Variants in UNC5B observed in about 807,000 individuals in gnomAD.
The protein encoded by UNC5B is netrin receptor UNC5B.
A neutral mutation model predicts 103.7 loss-of-function variants in UNC5B; 56 were observed. That is an observed-to-expected ratio of 0.54 (90% CI 0.44 to 0.67). The LOEUF is 0.67. Ranked by LOEUF, UNC5B falls within the 30% of genes least tolerant of loss-of-function variation. The pLI is 0.00. For synonymous variants in UNC5B, 577 were observed against 542.0 expected (o/e 1.06, Z -0.90); for missense variants, 1,194 against 1,284.5 (o/e 0.93, Z 1.08).
intron 2 of UNC5B, among the ~76,000 whole-genome samples, chr10:71,280,804 G>A (rs111652886): frequency 0.013 from 1,929 of 152,272 alleles, 51 homozygotes; most frequent in African/African-American, 0.043. Context: ...AGGAGCCCTC[G>A]GGGTGAAAAG....
chr10:71,261,660 G>A (rs1844418882), intron 1 of UNC5B, among the ~76,000 whole-genome samples: 1 of 152,182 alleles, frequency 6.6e-6, no homozygotes, highest in Admixed American at 6.5e-5. Flanking sequence ...CCCTCCTTGT[G>A]CCCAGTGCAG....
At chr10:71,222,808 A>C (rs1406275089) in intron 1 of UNC5B, among the ~76,000 whole-genome samples, 1 of 152,234 alleles carries the variant, frequency 6.6e-6, no homozygotes, top group Non-Finnish European at 1.5e-5. Context: ...ATCTGGAGGC[A>C]TTACTGCCTT....
In UNC5B at chr10:71,280,030, C is replaced by A; in HGVS notation, c.289C>A (p.Leu97Met). Residue 97 changes from leucine to methionine, a missense_variant, in exon 2 of 17, where the codon CTG (leucine) becomes ATG (methionine). Physicochemically the swap from Leu to Met is conservative, Grantham distance 15. Transcript: ENST00000335350. Reference sequence around the variant, plus strand: ...GAACGACCACGTCACACAGGAAGGCCTGGATGAGGCCACCGGTGAGCCCGC... The same window carrying A: ...GAACGACCACGTCACACAGGAAGGCATGGATGAGGCCACCGGTGAGCCCGC... Reference protein sequence around the residue: ...SQNDHVTQEGLDEATGLRVRE... With the variant: ...SQNDHVTQEGMDEATGLRVRE... The A allele has an allele frequency of 1.2e-6, 2 of 1,613,884 alleles. No homozygotes were observed. The highest frequency in any genetic ancestry group is 3.3e-5 in the Admixed American group (2 of 60,032).
chr10:71,239,551 A>G (rs977884355), intron 1 of UNC5B, among the ~76,000 whole-genome samples: 5 of 152,082 alleles, frequency 3.3e-5, no homozygotes, highest in African/African-American at 1.2e-4. Flanking sequence ...GAGGCTGTGC[A>G]TGTTAGTCAA....
At chr10:71,269,228 C>G (rs1231129619) in intron 1 of UNC5B, among the ~76,000 whole-genome samples, 1 of 151,518 alleles carries the variant, frequency 6.6e-6, no homozygotes, top group Non-Finnish European at 1.5e-5. Flanking sequence ...AATGGGGCGG[C>G]TTTTATTTTC....
At chr10:71,299,025 C>T in intron 16 of UNC5B, 87 bp from the exon 17 acceptor site, 3 of 1,545,240 alleles carry the variant, frequency 1.9e-6, no homozygotes, top group Non-Finnish European at 2.6e-6. Context: ...TCACAGCCTT[C>T]CCACTTCCCC....
intron 1 of UNC5B, among the ~76,000 whole-genome samples, chr10:71,218,792 C>T (rs1843391471): frequency 1.3e-5 from 2 of 152,188 alleles, no homozygotes; most frequent in African/African-American, 4.8e-5. Context: ...CTGTCTCCCC[C>T]AAAGGGAGTG....
rs150389249 is a variant in UNC5B, at chr10:71,291,682, C to T, written c.1545C>T (p.Phe515=). 155 of 1,613,554 alleles carry T rather than the reference C, an allele frequency of 9.6e-5. 1 individual carries two copies. The Middle Eastern group carries it at 2.0e-3, about 21-fold the overall frequency. Residue 515 remains phenylalanine, a synonymous_variant, in exon 10 of 17, where the codon TTC becomes TTT. Coordinates refer to ENST00000335350, the MANE Select transcript of UNC5B (RefSeq NM_170744.5). ...CGCCTGGCACATACCCTAGCGATTT[C>T]GCCCGGGACACCCACTTCCTGCACC... ...VLPPGTYPSD[F]ARDTHFLHLR... is the part of the protein sequence containing the mutation.
intron 10 of UNC5B, 147 bp downstream of exon 10, chr10:71,291,968 A>G: frequency 7.8e-7 from 1 of 1,283,280 alleles, no homozygotes; most frequent in Non-Finnish European, 1.0e-6. Flanking sequence ...AGTGAGTATA[A>G]AATAGAGAGG....
At chr10:71,236,667 C>T (rs938118038) in intron 1 of UNC5B, among the ~76,000 whole-genome samples, 1 of 152,238 alleles carries the variant, frequency 6.6e-6, no homozygotes, top group East Asian at 1.9e-4. Flanking sequence ...CCTGCCCGAG[C>T]CCCCACTGGA....
chr10:71,285,312 C>T lies in UNC5B; in HGVS notation c.449-14C>T. On this transcript the variant is annotated splice_polypyrimidine_tract_variant and intron_variant, in intron 3 of 16. Coordinates refer to ENST00000335350, the MANE Select transcript of UNC5B (RefSeq NM_170744.5). ...CCGCACCTGACTGCCTTGGGACCCT[C>T]TCGCTTCTCCCAGACCTGCGCAAGA... The T allele has an allele frequency of 6.2e-7, 1 of 1,601,418 alleles. No homozygotes were observed. Among genetic ancestry groups the T allele is most frequent in the Non-Finnish European group, 8.5e-7 (1 of 1,174,552 alleles).
At chr10:71,287,858 CA>C in intron 6 of UNC5B, 93 bp downstream of exon 6, 2 of 1,481,466 alleles carry the variant, frequency 1.4e-6, no homozygotes, top group Non-Finnish European at 9.0e-7. Flanking sequence ...CTCTCCCCAG[CA>C]TGGGGAGCAG....
intron 1 of UNC5B, among the ~76,000 whole-genome samples, chr10:71,250,342 A>G (rs147328582): frequency 6.6e-6 from 1 of 152,338 alleles, no homozygotes; most frequent in African/African-American, 2.4e-5. Context: ...GGAAGTCCCC[A>G]TCATTGCCCC....
rs763937695 is a variant in UNC5B at position 71,291,679 on chromosome 10, T to C, written c.1542T>C (p.Asp514=). 6 of 1,613,604 alleles carry C rather than the reference T, an allele frequency of 3.7e-6. No homozygotes were observed. Among genetic ancestry groups the C allele is most frequent in the Non-Finnish European group, 5.1e-6 (6 of 1,180,026 alleles). The part of the protein sequence containing the change: ...GVLPPGTYPS[D]FARDTHFLHL... ...TGCCGCCTGGCACATACCCTAGCGA[T>C]TTCGCCCGGGACACCCACTTCCTGC... The change falls in exon 10 of 17, where the codon GAT becomes GAC. Residue 514 remains aspartate (D), a synonymous_variant. Coordinates refer to ENST00000335350, the MANE Select transcript of UNC5B (RefSeq NM_170744.5).
In UNC5B at chr10:71,214,535, A is replaced by C. The variant is rs1843294847; in HGVS notation, c.79+1471A>C. ...TTTAAAGGGTGCAGTTAGACGTGGG[A>C]GGTGCTTGGTTGGGGTGCTGGTTTC... is the stretch of plus-strand genomic sequence containing the variant. On this transcript the variant is annotated intron_variant, in intron 1 of 16. Transcript: ENST00000335350. Among the ~76,000 whole-genome samples, 3 of 151,934 alleles carry C rather than the reference A, an allele frequency of 2.0e-5. No individual in the cohort carries two copies. In the South Asian group the frequency reaches 6.2e-4, roughly 32 times the overall value.
At chr10:71,236,042 G>A (rs140800155) in intron 1 of UNC5B, among the ~76,000 whole-genome samples, 196 of 152,338 alleles carry the variant, frequency 1.3e-3, no homozygotes, top group African/African-American at 4.3e-3. Flanking sequence ...GGTCTCACTC[G>A]TCAACTGTAA....
At position 71,287,624 on chromosome 10, in the gene UNC5B, G is replaced by A. The variant is rs1845124736; in HGVS notation, c.760G>A (p.Glu254Lys). The change falls in exon 6 of 17, where the codon GAG becomes AAG. Residue 254 changes from glutamate to lysine, a missense_variant. By Grantham distance (56) the Glu-to-Lys change is moderately conservative. Transcript: ENST00000335350. ...YVNGGWSSWA[E>K]WSPCSNRCGR... ...GAATGGCGGCTGGTCCAGCTGGGCAGAGTGGTCACCCTGCTCCAACCGCTG... is the reference window on the plus strand; with the variant it reads ...GAATGGCGGCTGGTCCAGCTGGGCAAAGTGGTCACCCTGCTCCAACCGCTG... The A allele has an allele frequency of 6.2e-7, 1 of 1,607,360 alleles. No homozygotes were observed. The highest frequency in any genetic ancestry group is 1.7e-5 in the Admixed American group (1 of 59,086).
At chr10:71,281,342 A>ATT (rs11332290) in intron 2 of UNC5B, among the ~76,000 whole-genome samples, 3 of 146,494 alleles carry the variant, frequency 2.0e-5, no homozygotes, top group African/African-American at 2.5e-5. Context: ...GGAAAAAGGA[A>ATT]TTTTTTTTTT....
At position 71,291,681 on chromosome 10, in the gene UNC5B, T is replaced by C. The variant is rs951310094; in HGVS notation, c.1544T>C (p.Phe515Ser). Residue 515 changes from phenylalanine (F) to serine (S), a missense_variant, in exon 10 of 17, where the codon TTC becomes TCC. By Grantham distance (155) the Phe-to-Ser change is radical. Transcript: ENST00000335350. Reference protein sequence around the residue: ...VLPPGTYPSDFARDTHFLHLR... With the variant: ...VLPPGTYPSDSARDTHFLHLR... ...CCGCCTGGCACATACCCTAGCGATTTCGCCCGGGACACCCACTTCCTGCAC... is the reference window on the plus strand; with the variant it reads ...CCGCCTGGCACATACCCTAGCGATTCCGCCCGGGACACCCACTTCCTGCAC... The C allele has an allele frequency of 5.6e-6, 9 of 1,613,430 alleles. No individual in the cohort carries two copies. The highest frequency in any genetic ancestry group is 2.7e-5 in the African/African-American group (2 of 74,916).
Sources: allele counts gnomAD v4.1 joint callset (sites outside exome capture counted in the v4.1 genomes callset), GRCh38; gene constraint gnomAD v4.1.1; transcripts MANE v1.5; gene names NCBI Gene and HGNC (gene_info 2026-07-23, HGNC 2026-07-21).